The following CSMD1 variants were observed in gnomAD, a reference collection of about 807,000 sequenced individuals.
CSMD1 encodes CUB and sushi domain-containing protein 1.
A neutral mutation model predicts 417.5 loss-of-function variants in CSMD1; 213 were observed. That is an observed-to-expected ratio of 0.51 (90% CI 0.46 to 0.57). The LOEUF is 0.57. CSMD1 is among the 20% of genes least tolerant of loss of function. The pLI is 0.00. For synonymous variants in CSMD1, 2,862 were observed against 1,736.8 expected (o/e 1.65, Z -16.11); for missense variants, 6,923 against 4,529.7 (o/e 1.53, Z -15.17).
At chr8:3,325,542 G>T (rs17079984) in intron 23 of CSMD1, among the ~76,000 whole-genome samples, 3,734 of 152,244 alleles carry the variant, frequency 0.025, 89 homozygotes, top group East Asian at 0.083. Flanking sequence ...TAACAAGGTC[G>T]CCTGGGCATG....
intron 1 of CSMD1, among the ~76,000 whole-genome samples, chr8:4,913,849 C>T (rs1805864925): frequency 1.3e-5 from 2 of 152,210 alleles, no homozygotes; most frequent in African/African-American, 4.8e-5. Context: ...CTCCAGCCAG[C>T]AGCTGTTAAG....
At chr8:4,044,547 G>A (rs1474919004) in intron 3 of CSMD1, among the ~76,000 whole-genome samples, 2 of 152,218 alleles carry the variant, frequency 1.3e-5, no homozygotes, top group East Asian at 1.9e-4. Flanking sequence ...CATTCCATCT[G>A]TGATTCTACC....
At chr8:4,708,836 T>C (rs866600527) in intron 1 of CSMD1, among the ~76,000 whole-genome samples, 6 of 152,168 alleles carry the variant, frequency 3.9e-5, no homozygotes, top group African/African-American at 1.4e-4. Flanking sequence ...TGGTCCCTAA[T>C]CCGACATGAC....
intron 7 of CSMD1, among the ~76,000 whole-genome samples, chr8:3,691,488 TC>T (rs1800242125): frequency 6.6e-6 from 1 of 152,234 alleles, no homozygotes; most frequent in Admixed American, 6.5e-5. Flanking sequence ...TTTCAATGTT[TC>T]ACTGCAAGGC....
intron 6 of CSMD1, among the ~76,000 whole-genome samples, chr8:3,749,904 T>G (rs1235763345): frequency 6.6e-6 from 1 of 152,206 alleles, no homozygotes; most frequent in Non-Finnish European, 1.5e-5. Context: ...CTGTACCTAT[T>G]GTGTGTAGCT....
chr8:4,692,813 A>G (rs1443350042), intron 1 of CSMD1, among the ~76,000 whole-genome samples: 3 of 152,160 alleles, frequency 2.0e-5, no homozygotes, highest in Non-Finnish European at 2.9e-5. Context: ...AAATTTTTAA[A>G]TTTCTACCAT....
At chr8:4,729,404 A>G (rs1016085561) in intron 1 of CSMD1, among the ~76,000 whole-genome samples, 3 of 152,214 alleles carry the variant, frequency 2.0e-5, no homozygotes, top group Non-Finnish European at 4.4e-5. Context: ...AAGGGGAAAA[A>G]TAAAGTATCC....
intron 47 of CSMD1, among the ~76,000 whole-genome samples, chr8:3,093,421 C>G (rs1004608502): frequency 6.6e-6 from 1 of 152,136 alleles, no homozygotes; most frequent in Admixed American, 6.5e-5. Flanking sequence ...AATCCCAGCG[C>G]TTTGGGAGGT....
At chr8:4,583,279 G>A (rs866220977) in intron 2 of CSMD1, among the ~76,000 whole-genome samples, 9 of 152,228 alleles carry the variant, frequency 5.9e-5, no homozygotes, top group African/African-American at 2.2e-4. Context: ...ACCGAGTGAA[G>A]CCAGCTGCGC....
intron 5 of CSMD1, among the ~76,000 whole-genome samples, chr8:3,951,731 G>C (rs1305884732): frequency 6.6e-6 from 1 of 152,138 alleles, no homozygotes; most frequent in East Asian, 1.9e-4. Flanking sequence ...TAACAACATG[G>C]GGGGCATTAA....
At chr8:4,406,626 G>C (rs1215403957) in intron 3 of CSMD1, among the ~76,000 whole-genome samples, 1 of 152,110 alleles carries the variant, frequency 6.6e-6, no homozygotes, top group Non-Finnish European at 1.5e-5. Flanking sequence ...CGGAGGCTGG[G>C]ACTGGCCACA....
chr8:3,187,969 C>T lies in CSMD1; in HGVS notation c.5524-4G>A. The T allele has an allele frequency of 2.5e-6, 4 of 1,610,392 alleles. No individual in the cohort carries two copies. The highest frequency in any genetic ancestry group is 1.1e-5 in the South Asian group (1 of 90,478). On this transcript the variant is annotated splice_polypyrimidine_tract_variant and splice_region_variant and intron_variant, in intron 35 of 69. Coordinates refer to ENST00000635120, the MANE Select transcript of CSMD1 (RefSeq NM_033225.6). ...TGGCAAAACTGATCACTTGGATCTA[C>T]CAAACCATGACATTAAGTTAATATT...
intron 5 of CSMD1, among the ~76,000 whole-genome samples, chr8:3,758,050 G>A (rs933632724): frequency 4.7e-4 from 71 of 151,802 alleles, no homozygotes; most frequent in African/African-American, 1.6e-3. Flanking sequence ...TGCAACCTCT[G>A]CCTCCCAGGT....
intron 11 of CSMD1, among the ~76,000 whole-genome samples, chr8:3,473,303 T>C (rs935808479): frequency 2.4e-4 from 36 of 152,228 alleles, no homozygotes; most frequent in African/African-American, 8.4e-4. Context: ...TTTATGTTTA[T>C]TACTCATTTT....
At chr8:4,699,102 G>A (rs932981721) in intron 1 of CSMD1, among the ~76,000 whole-genome samples, 4 of 152,034 alleles carry the variant, frequency 2.6e-5, no homozygotes, top group Non-Finnish European at 2.9e-5. Context: ...TGAGGTCTTC[G>A]CTTTCTCATT....
chr8:3,599,708 A>G (rs1467010008), intron 8 of CSMD1, among the ~76,000 whole-genome samples: 3 of 152,192 alleles, frequency 2.0e-5, no homozygotes, highest in Non-Finnish European at 4.4e-5. Context: ...TATCTGCTGC[A>G]TGCCCAGATT....
chr8:4,903,398 C>T (rs979393747), intron 1 of CSMD1, among the ~76,000 whole-genome samples: 6 of 152,058 alleles, frequency 3.9e-5, no homozygotes, highest in Admixed American at 1.3e-4. Context: ...GTCTTTAAAA[C>T]GAAGTCCAAG....
At chr8:4,067,483 C>CT (rs58259457) in intron 3 of CSMD1, among the ~76,000 whole-genome samples, 13 of 100,868 alleles carry the variant, frequency 1.3e-4, no homozygotes, top group Non-Finnish European at 2.4e-4. Flanking sequence ...AAATAAATTA[C>CT]TTTTTTTTTT....
intron 54 of CSMD1, among the ~76,000 whole-genome samples, chr8:2,992,580 C>G (rs1397942283): frequency 6.6e-6 from 1 of 151,480 alleles, no homozygotes; most frequent in Non-Finnish European, 1.5e-5. Flanking sequence ...TGCACCACCA[C>G]ACCTGGCTAA....
Sources: allele counts gnomAD v4.1 joint callset (sites outside exome capture counted in the v4.1 genomes callset), GRCh38; gene constraint gnomAD v4.1.1; transcripts MANE v1.5; gene names NCBI Gene and HGNC (gene_info 2026-07-23, HGNC 2026-07-21).